The following PCDH9 variants were observed in gnomAD, a reference collection of about 807,000 sequenced individuals.
PCDH9 encodes the protein protocadherin-9.
A neutral mutation model predicts 70.6 loss-of-function variants in PCDH9; 24 were observed. The ratio of observed to expected loss-of-function variants is 0.34; its 90% CI spans 0.25 to 0.48. PCDH9 has a LOEUF of 0.48. PCDH9 is among the 20% of genes least tolerant of loss of function. The pLI, the probability that PCDH9 is intolerant of heterozygous loss-of-function variation, is 0.99. For synonymous variants in PCDH9, 562 were observed against 558.5 expected (o/e 1.01, Z -0.09); for missense variants, 1,281 against 1,503.6 (o/e 0.85, Z 2.45).
At chr13:66,490,683 G>C (rs1163928982) in intron 4 of PCDH9, among the ~76,000 whole-genome samples, 5 of 152,036 alleles carry the variant, frequency 3.3e-5, no homozygotes, top group African/African-American at 1.2e-4. Flanking sequence ...AGAGTTATCA[G>C]TTGTGTAAAT....
At chr13:66,870,816 G>T (rs930762212) in intron 3 of PCDH9, among the ~76,000 whole-genome samples, 1 of 152,102 alleles carries the variant, frequency 6.6e-6, no homozygotes, top group Non-Finnish European at 1.5e-5. Flanking sequence ...CAACCATTGT[G>T]GAAGTCAGTG....
chr13:67,076,839 T>C (rs1388773900), intron 2 of PCDH9, among the ~76,000 whole-genome samples: 1 of 152,174 alleles, frequency 6.6e-6, no homozygotes, highest in Non-Finnish European at 1.5e-5. Flanking sequence ...ATTTTCCTAT[T>C]TGAAGTAACA....
intron 2 of PCDH9, among the ~76,000 whole-genome samples, chr13:67,194,354 T>C (rs2089001450): frequency 7.3e-6 from 1 of 136,196 alleles, no homozygotes; most frequent in Admixed American, 7.7e-5. Flanking sequence ...TGAAATAAGT[T>C]TTTTAACTTT....
chr13:66,338,156 C>A (rs1042278945), intron 4 of PCDH9, among the ~76,000 whole-genome samples: 2 of 152,048 alleles, frequency 1.3e-5, no homozygotes, highest in African/African-American at 2.4e-5. Flanking sequence ...AACACATGAA[C>A]GAAATCATGT....
intron 2 of PCDH9, among the ~76,000 whole-genome samples, chr13:67,035,081 T>C (rs2084983833): frequency 6.6e-6 from 1 of 152,140 alleles, no homozygotes; most frequent in South Asian, 2.1e-4. Context: ...GATTCAATTG[T>C]TATCAAATGA....
intron 2 of PCDH9, among the ~76,000 whole-genome samples, chr13:66,907,302 G>A (rs2082378641): frequency 6.6e-6 from 1 of 152,170 alleles, no homozygotes; most frequent in Admixed American, 6.5e-5. Context: ...ATTGAATTAT[G>A]GGTAAGATGC....
chr13:66,987,506 A>G (rs1453748194), intron 2 of PCDH9, among the ~76,000 whole-genome samples: 4 of 152,038 alleles, frequency 2.6e-5, no homozygotes, highest in Non-Finnish European at 5.9e-5. Context: ...GAATTGCCAC[A>G]TTCAACAACC....
chr13:66,897,692 A>G (rs1449317071), intron 3 of PCDH9, among the ~76,000 whole-genome samples: 1 of 152,158 alleles, frequency 6.6e-6, no homozygotes, highest in Non-Finnish European at 1.5e-5. Flanking sequence ...ACTGCAGTAT[A>G]AGTTCTTTAA....
intron 2 of PCDH9, among the ~76,000 whole-genome samples, chr13:66,917,822 C>T (rs1401138175): frequency 6.6e-6 from 1 of 151,278 alleles, no homozygotes; most frequent in African/African-American, 2.4e-5. Flanking sequence ...ATATGATAAA[C>T]TATTAAGGAC....
chr13:66,793,120 T>C (rs958582800), intron 3 of PCDH9, among the ~76,000 whole-genome samples: 4 of 151,458 alleles, frequency 2.6e-5, no homozygotes, highest in African/African-American at 4.8e-5. Context: ...CTTATATATA[T>C]ATATAAAGAT....
chr13:66,312,040 T>C (rs1005710208), intron 4 of PCDH9, among the ~76,000 whole-genome samples: 2 of 152,098 alleles, frequency 1.3e-5, no homozygotes, highest in African/African-American at 4.8e-5. Context: ...TCAGAATCGA[T>C]AGGAAAATCT....
chr13:66,910,798 A>G (rs529016201), intron 2 of PCDH9, among the ~76,000 whole-genome samples: 1 of 152,278 alleles, frequency 6.6e-6, no homozygotes, highest in East Asian at 1.9e-4. Flanking sequence ...CTAGCCTTTT[A>G]TTGCGTAAGT....
chr13:66,731,416 T>C (rs1020614007), intron 3 of PCDH9, among the ~76,000 whole-genome samples: 27 of 152,126 alleles, frequency 1.8e-4, no homozygotes, highest in African/African-American at 5.3e-4. Flanking sequence ...CTAAATTTAT[T>C]TTACTTGTGA....
intron 4 of PCDH9, among the ~76,000 whole-genome samples, chr13:66,415,818 A>G (rs573365124): frequency 6.6e-6 from 1 of 152,308 alleles, no homozygotes; most frequent in East Asian, 1.9e-4. Flanking sequence ...AAAAGACAAA[A>G]AGTGTAAAAC....
At chr13:66,849,445 T>A (rs1014553336) in intron 3 of PCDH9, among the ~76,000 whole-genome samples, 24 of 145,750 alleles carry the variant, frequency 1.6e-4, no homozygotes, top group Non-Finnish European at 3.2e-4. Flanking sequence ...TATATATGAC[T>A]ATATATGACA....
At chr13:66,329,912 A>C (rs185093589) in intron 4 of PCDH9, among the ~76,000 whole-genome samples, 7 of 152,334 alleles carry the variant, frequency 4.6e-5, no homozygotes, top group African/African-American at 1.4e-4. Context: ...AAAGTACTGC[A>C]TTTCTAGAAA....
chr13:66,646,942 C>T (rs2077779113), intron 3 of PCDH9, among the ~76,000 whole-genome samples: 1 of 152,110 alleles, frequency 6.6e-6, no homozygotes, highest in Admixed American at 6.5e-5. Context: ...GAACTCGGTG[C>T]TGCCCTGTCA....
At chr13:66,949,623 A>G (rs1207173277) in intron 2 of PCDH9, among the ~76,000 whole-genome samples, 1 of 152,056 alleles carries the variant, frequency 6.6e-6, no homozygotes. Context: ...TTTTTTGATC[A>G]GCAAGAGACC....
intron 3 of PCDH9, among the ~76,000 whole-genome samples, chr13:66,785,642 A>G (rs2139307497): frequency 6.6e-6 from 1 of 152,196 alleles, no homozygotes; most frequent in East Asian, 1.9e-4. Context: ...CATTAAGGTG[A>G]CATTTCTGTA....
Sources: gnomAD v4.1 joint callset for allele counts (sites outside exome capture counted in the v4.1 genomes callset) on GRCh38, gnomAD v4.1.1 for gene constraint, MANE v1.5 for transcripts, NCBI Gene and HGNC (gene_info 2026-07-23, HGNC 2026-07-21) for gene names.